Variants in FAM240C observed in about 807,000 individuals in gnomAD.
The protein encoded by FAM240C is protein FAM240C.
Under a neutral mutation model 10.0 loss-of-function variants are expected in FAM240C, and 14 were observed. The ratio of observed to expected loss-of-function variants is 1.40; its 90% CI spans 0.92 to 2.19. The LOEUF (loss-of-function observed/expected upper bound fraction) is 2.19. FAM240C is among the 30% of genes most tolerant of loss of function. The pLI, the probability that FAM240C is intolerant of heterozygous loss-of-function variation, is 0.00. For synonymous variants in FAM240C, 49 were observed against 44.3 expected, an observed-to-expected ratio of 1.11 and a Z score of -0.42; for missense variants, 154 against 122.3, an observed-to-expected ratio of 1.26 and a Z score of -1.22.
Position 241,894,158 on chromosome 2 carries a change from G to A in FAM240C, c.*55C>T. The A allele has an allele frequency of 6.6e-7, 1 of 1,519,790 alleles. No homozygotes were observed. The allele number at this position is 1,519,790 out of a possible 1,614,324, so 94.1% of individuals were successfully genotyped here. ...TGGATGCTTGGACCCCACGCGTGGT[G>A]TTCCTTCTCCATGACCCTCCGGAAG... On this transcript the variant is annotated 3_prime_UTR_variant, in exon 3 of 3. Transcript: ENST00000404031.
At chr2:241,896,132 G>T (rs145216404) in intron 2 of FAM240C, among the ~76,000 whole-genome samples, 1 of 152,304 alleles carries the variant, frequency 6.6e-6, no homozygotes, top group African/African-American at 2.4e-5. Flanking sequence ...CTTGCTCGGG[G>T]CCTGAGCACC....
intron 2 of FAM240C, among the ~76,000 whole-genome samples, chr2:241,896,694 G>T (rs867118632): frequency 5.0e-4 from 7 of 13,944 alleles, no homozygotes; most frequent in Non-Finnish European, 1.0e-3. Flanking sequence ...AAGGGGTGTG[G>T]GTGTTGGGGT....
chr2:241,900,345 A>T lies in FAM240C; in HGVS notation c.12+13T>A, dbSNP rs1254029155. On this transcript the variant is annotated intron_variant, in intron 1 of 2. Transcript: ENST00000404031. This position sits in a 1 kb window ranked among gnomAD's most constrained non-coding sequence, Gnocchi z 4.5. Reference sequence around the variant, plus strand: ...AAGCAAGGACAGCGCCTGTCACATCACAGAGAGCTTACTTTTCCAACCATT... The same window carrying T: ...AAGCAAGGACAGCGCCTGTCACATCTCAGAGAGCTTACTTTTCCAACCATT... 1 of 717,190 alleles carries T rather than the reference A, an allele frequency of 1.4e-6. No individual in the cohort carries two copies. The highest frequency in any genetic ancestry group is 1.5e-5 in the South Asian group (1 of 67,582). The allele number at this position is 717,190 out of a possible 1,614,324, so 44.4% of individuals were successfully genotyped here.
Position 241,894,330 on chromosome 2 carries a change from CACGCGGAGCCTGGGGCAGGG to C in FAM240C, c.162-11_170del. On this transcript the variant is annotated splice_acceptor_variant and splice_polypyrimidine_tract_variant and coding_sequence_variant and intron_variant, in exon 3 of 3. Coordinates refer to ENST00000404031, the MANE Select transcript of FAM240C (RefSeq NM_001382368.1). LOFTEE classifies it high-confidence loss of function. ...TCCCCTCCAGCTGCTCAGCCCATCC[CACGCGGAGCCTGGGGCAGGG>C]CGATAATTTCGGCATTGTGAGTCAA... 6.5e-7 allele frequency: 1 copy of C among 1,545,752 alleles called. No individual in the cohort carries two copies. The highest frequency in any genetic ancestry group is 8.7e-7 in the Non-Finnish European group (1 of 1,144,836).
intron 1 of FAM240C, chr2:241,899,052 C>T (rs531100600): frequency 6.3e-6 from 7 of 1,115,162 alleles, no homozygotes; most frequent in South Asian, 1.3e-5. Context: ...GTGGCAGGAG[C>T]GCGGCCCGAG....
intron 1 of FAM240C, among the ~76,000 whole-genome samples, chr2:241,899,804 A>T (rs867764330): frequency 3.0e-4 from 45 of 152,328 alleles, no homozygotes; most frequent in Middle Eastern, 3.4e-3. Context: ...GCGGTGGCTC[A>T]GGCCTGGAAT....
In FAM240C at chr2:241,897,201, C is replaced by G; in HGVS notation, c.146G>C (p.Arg49Thr). The G allele has an allele frequency of 6.5e-7, 1 of 1,549,848 alleles. No individual in the cohort carries two copies. Among genetic ancestry groups the G allele is most frequent in the Non-Finnish European group, 8.7e-7 (1 of 1,146,462 alleles). ...HLQNEDIRVR[R>T]SALNKLRVGW... ...CCCGACTCACTTGTTCAGAGCGCTT[C>G]TGCGAACCCTGATGTCCTCGTTCTG... Residue 49 changes from arginine to threonine, a missense_variant, in exon 2 of 3, where the codon AGA (arginine) becomes ACA (threonine). Physicochemically the swap from Arg to Thr is moderately conservative, Grantham distance 71. Coordinates refer to ENST00000404031, the MANE Select transcript of FAM240C (RefSeq NM_001382368.1).
At chr2:241,900,543 C>T (rs1260472292), upstream of FAM240C, 1 of 605,634 alleles carries the variant, frequency 1.7e-6, no homozygotes, top group African/African-American at 1.8e-5. This position sits in a 1 kb window ranked among gnomAD's most constrained non-coding sequence, Gnocchi z 4.5. Flanking sequence ...GGCACCGTCC[C>T]TGGCAGAGCT....
upstream of FAM240C, among the ~76,000 whole-genome samples, chr2:241,902,135 T>A (rs1030152932): frequency 9.9e-5 from 15 of 152,110 alleles, no homozygotes; most frequent in Non-Finnish European, 1.8e-4. The surrounding 1 kb of genome is among the most constrained non-coding windows in gnomAD (Gnocchi z 7.1). Flanking sequence ...GCTGAGGCGT[T>A]TGCGTTTCTT....
At position 241,894,334 on chromosome 2, in the gene FAM240C, C is replaced by T. The variant is rs556725602; in HGVS notation, c.167G>A (p.Arg56His). Reference protein sequence around the residue: ...RVRRSALNKLRVGWAEQLEGR... With the variant: ...RVRRSALNKLHVGWAEQLEGR... ...CTCCAGCTGCTCAGCCCATCCCACG[C>T]GGAGCCTGGGGCAGGGCGATAATTT... The change falls in exon 3 of 3, where the codon CGC becomes CAC. Residue 56 changes from arginine to histidine, a missense_variant. Arg to His is a conservative substitution (Grantham distance 29). Transcript: ENST00000404031. 140 of 1,545,174 alleles carry T rather than the reference C, an allele frequency of 9.1e-5. No individual in the cohort carries two copies. Among genetic ancestry groups the T allele is most frequent in the Non-Finnish European group, 1.1e-4 (127 of 1,144,698 alleles).
chr2:241,894,864 C>T (rs1020942554), intron 2 of FAM240C, among the ~76,000 whole-genome samples: 3 of 152,208 alleles, frequency 2.0e-5, no homozygotes, highest in Admixed American at 6.5e-5. Flanking sequence ...CTCACCTGCC[C>T]GGCCTGGCCA....
At chr2:241,896,593 G>T in intron 2 of FAM240C, among the ~76,000 whole-genome samples, 1 of 128,052 alleles carries the variant, frequency 7.8e-6, no homozygotes, top group Non-Finnish European at 1.7e-5. Context: ...GTGTTGGGGT[G>T]TGGGTGAAGG....
At chr2:241,896,493 TGTGGGTGAA>T (rs1701808459) in intron 2 of FAM240C, among the ~76,000 whole-genome samples, 3 of 56,112 alleles carry the variant, frequency 5.3e-5, no homozygotes, top group Non-Finnish European at 1.3e-4. Context: ...GGGAAGGGGG[TGTGGGTGAA>T]GGGGGTGTGG....
upstream of FAM240C, among the ~76,000 whole-genome samples, chr2:241,901,871 G>C (rs1701990890): frequency 6.6e-6 from 1 of 152,204 alleles, no homozygotes; most frequent in Non-Finnish European, 1.5e-5. The surrounding 1 kb of genome is among the most constrained non-coding windows in gnomAD (Gnocchi z 4.9). Flanking sequence ...ACCTGCCCTG[G>C]AGCCGAGAGG....
intron 2 of FAM240C, among the ~76,000 whole-genome samples, chr2:241,894,879 G>A (rs1353370976): frequency 6.6e-6 from 1 of 152,178 alleles, no homozygotes; most frequent in East Asian, 1.9e-4. Flanking sequence ...TGGCCACAGT[G>A]GACGGTGCTA....
upstream of FAM240C, among the ~76,000 whole-genome samples, chr2:241,901,630 C>G (rs763306493): frequency 1.3e-5 from 2 of 152,194 alleles, no homozygotes; most frequent in African/African-American, 2.4e-5. The surrounding 1 kb of genome is among the most constrained non-coding windows in gnomAD (Gnocchi z 4.9). Flanking sequence ...CATGCCGCAG[C>G]GCACAGAATG....
At position 241,900,251 on chromosome 2, in the gene FAM240C, G is replaced by A. The variant is rs1331390563; in HGVS notation, c.12+107C>T. The A allele has an allele frequency of 4.1e-5, 28 of 679,178 alleles. No individual in the cohort carries two copies. Among genetic ancestry groups the A allele is most frequent in the East Asian group, 2.5e-4 (9 of 36,482 alleles). The allele number at this position is 679,178 out of a possible 1,614,324, so 42.1% of individuals were successfully genotyped here. A position where few individuals can be genotyped will look rare whatever the true frequency, so the allele number is the denominator to read the frequency against. Reference sequence around the variant, plus strand: ...CCCAGCGAAATGCGGGTGGGCTCACGTCTTGTGCCAGATATGTCACATACT... The same window carrying A: ...CCCAGCGAAATGCGGGTGGGCTCACATCTTGTGCCAGATATGTCACATACT... On this transcript the variant is annotated intron_variant, in intron 1 of 2. Coordinates refer to ENST00000404031, the MANE Select transcript of FAM240C (RefSeq NM_001382368.1). The surrounding 1 kb of genome is among the most constrained non-coding windows in gnomAD (Gnocchi z 4.5).
At position 241,896,350 on chromosome 2, in the gene FAM240C, T is replaced by C. The variant is rs75320051; in HGVS notation, c.161+836A>G. Among the ~76,000 whole-genome samples, 151 of 152,110 alleles carry C rather than the reference T, an allele frequency of 9.9e-4. 1 individual carries two copies. Among genetic ancestry groups the C allele is most frequent in the Non-Finnish European group, 1.7e-3 (118 of 67,978 alleles). On this transcript the variant is annotated intron_variant, in intron 2 of 2. Transcript: ENST00000404031. ...TGGTATCTGCCTTCCTGAGCAAGTC[T>C]GCTAGGAGGAGGAAGGGCACAAGTA...
At chr2:241,901,528 T>C (rs114170332), upstream of FAM240C, among the ~76,000 whole-genome samples, 1,669 of 152,180 alleles carry the variant, frequency 0.011, 29 homozygotes, top group African/African-American at 0.038. The surrounding 1 kb of genome is among the most constrained non-coding windows in gnomAD (Gnocchi z 4.9). Flanking sequence ...GATTGGGAGC[T>C]GTTCGTGATT....
Sources: allele counts gnomAD v4.1 joint callset (sites outside exome capture counted in the v4.1 genomes callset), GRCh38; gene constraint gnomAD v4.1.1; non-coding constraint Gnocchi (gnomAD v3.1); transcripts MANE v1.5; gene names NCBI Gene and HGNC (gene_info 2026-07-23, HGNC 2026-07-21).